Variants in ATF7 observed in about 807,000 individuals in gnomAD.
The protein encoded by ATF7 is cyclic AMP-dependent transcription factor ATF-7.
In ATF7, 10 loss-of-function variants were observed where a neutral mutation model predicts 50.4. The observed-to-expected ratio is 0.20, with a 90% CI of 0.12 to 0.34. The LOEUF (loss-of-function observed/expected upper bound fraction) is 0.34, where lower values mean the gene tolerates loss of function less well. Among genes scored for constraint, ATF7 ranks in the 10% least tolerant of loss-of-function variants. ATF7 has a pLI of 1.00. For missense variants in ATF7, 465 were observed against 613.9 expected, an observed-to-expected ratio of 0.76 and a Z score of 2.56; for synonymous variants, 201 against 226.4, an observed-to-expected ratio of 0.89 and a Z score of 1.01.
chr12:53,584,593 A>C (rs1259704967), intron 2 of ATF7, among the ~76,000 whole-genome samples: 1 of 152,242 alleles, frequency 6.6e-6, no homozygotes, highest in Non-Finnish European at 1.5e-5. Context: ...GGATATTTAT[A>C]TAGCAGCTTT....
At chr12:53,510,414 C>A (rs574050127), downstream of ATF7, among the ~76,000 whole-genome samples, 2 of 152,190 alleles carry the variant, frequency 1.3e-5, no homozygotes, top group Non-Finnish European at 2.9e-5. Context: ...TGCTGCATCC[C>A]AGAATGATCC....
At chr12:53,620,235 T>A (rs1328794956) in intron 1 of ATF7, among the ~76,000 whole-genome samples, 1 of 151,298 alleles carries the variant, frequency 6.6e-6, no homozygotes, top group Non-Finnish European at 1.5e-5. Flanking sequence ...GGTCAGGAGT[T>A]CAAGACCAGC....
At chr12:53,529,710 T>C (rs11170582) in intron 9 of ATF7, among the ~76,000 whole-genome samples, 4,158 of 131,906 alleles carry the variant, frequency 0.032, 224 homozygotes, top group African/African-American at 0.1. Context: ...TATATACACA[T>C]ACACACACAC....
intron 9 of ATF7, among the ~76,000 whole-genome samples, chr12:53,528,427 A>C (rs2137358988): frequency 6.6e-6 from 1 of 152,172 alleles, no homozygotes; most frequent in South Asian, 2.1e-4. Flanking sequence ...CAGGAGTTTG[A>C]GACCAGCCTG....
rs1456939753 is a variant in ATF7 at position 53,524,648 on chromosome 12, G to A, written c.1041C>T (p.Ser347=). Residue 347 remains serine, a synonymous_variant, in exon 10 of 12, where the codon TCC becomes TCT. Coordinates refer to ENST00000420353, the MANE Select transcript of ATF7 (RefSeq NM_006856.3). The surrounding 1 kb of genome is among the most constrained non-coding windows in gnomAD (Gnocchi z 4.6). ...ACAGCTTTCGCTTTTGGCGGCAGCG[G>A]GAGGCTGCAGCCCGGTTGCGCTCCA... ...RFLERNRAAA[S]RCRQKRKLWV... is the part of the protein sequence containing the mutation. 5.0e-6 allele frequency: 8 copies of A among 1,613,712 alleles called. No homozygotes were observed. The highest frequency in any genetic ancestry group is 1.6e-4 in the Middle Eastern group (1 of 6,084).
At chr12:53,527,302 T>C (rs1413312788) in intron 9 of ATF7, among the ~76,000 whole-genome samples, 2 of 149,340 alleles carry the variant, frequency 1.3e-5, no homozygotes, top group Middle Eastern at 3.4e-3. Context: ...CTGGGCAACA[T>C]AGTGAGATCC....
At chr12:53,530,391 A>G (rs1323516068) in intron 9 of ATF7, among the ~76,000 whole-genome samples, 8 of 152,126 alleles carry the variant, frequency 5.3e-5, no homozygotes, top group East Asian at 1.9e-4. Flanking sequence ...AGTGCAGATG[A>G]TATGAAAACT....
chr12:53,622,165 G>C (rs1944406591), intron 1 of ATF7, among the ~76,000 whole-genome samples: 1 of 151,950 alleles, frequency 6.6e-6, no homozygotes. Context: ...GCTAGGCATG[G>C]ATGGCGGGCA....
intron 2 of ATF7, among the ~76,000 whole-genome samples, chr12:53,582,726 C>T (rs1210256608): frequency 6.6e-6 from 1 of 152,064 alleles, no homozygotes; most frequent in Non-Finnish European, 1.5e-5. Flanking sequence ...CTACAAGTCC[C>T]CGCCACCACG....
At chr12:53,614,799 G>A (rs1375921987) in intron 1 of ATF7, among the ~76,000 whole-genome samples, 1 of 152,232 alleles carries the variant, frequency 6.6e-6, no homozygotes, top group Non-Finnish European at 1.5e-5. Flanking sequence ...AAATGGTGTT[G>A]GCTGGGCGTG....
intron 4 of ATF7, among the ~76,000 whole-genome samples, chr12:53,542,107 GTTTTTT>G (rs1199418506): frequency 2.0e-5 from 2 of 101,450 alleles, no homozygotes; most frequent in African/African-American, 3.7e-5. Context: ...CGCCTGGCCT[GTTTTTT>G]TTTTTTTTTT....
chr12:53,573,596 G>A (rs544487334), intron 2 of ATF7, among the ~76,000 whole-genome samples: 1 of 151,992 alleles, frequency 6.6e-6, no homozygotes, highest in Non-Finnish European at 1.5e-5. Flanking sequence ...TGGATACAGA[G>A]GGCTGACTGT....
chr12:53,570,347 AAG>A (rs1294313752), intron 2 of ATF7, among the ~76,000 whole-genome samples: 4 of 152,144 alleles, frequency 2.6e-5, no homozygotes, highest in Admixed American at 1.3e-4. Flanking sequence ...AGCCTAGGGG[AAG>A]AGAGGAGAGA....
chr12:53,621,788 C>CAAAA (rs559780353), intron 1 of ATF7, among the ~76,000 whole-genome samples: 6 of 81,528 alleles, frequency 7.4e-5, no homozygotes, highest in Non-Finnish European at 7.5e-5. Context: ...GACTCTGTCT[C>CAAAA]AAAAAAAAAA....
chr12:53,555,738 G>C (rs780912648), intron 2 of ATF7, among the ~76,000 whole-genome samples: 1 of 151,964 alleles, frequency 6.6e-6, no homozygotes, highest in African/African-American at 2.4e-5. Context: ...TCGAATTCCC[G>C]ACCTCAGGTG....
chr12:53,548,393 A>G (rs2137474984), intron 3 of ATF7, among the ~76,000 whole-genome samples: 1 of 152,232 alleles, frequency 6.6e-6, no homozygotes, highest in East Asian at 1.9e-4. Flanking sequence ...ATGCAGTGGC[A>G]TGATCATAGC....
chr12:53,594,289 G>A (rs1479715394), intron 2 of ATF7, among the ~76,000 whole-genome samples: 1 of 152,116 alleles, frequency 6.6e-6, no homozygotes, highest in African/African-American at 2.4e-5. Context: ...AACAGTTTCT[G>A]GGCTCCCGTT....
In ATF7 at chr12:53,524,561, C is replaced by A; in HGVS notation, c.1125+3G>T. 6.2e-7 allele frequency: 1 copy of A among 1,613,720 alleles called. No homozygotes were observed. The highest frequency in any genetic ancestry group is 2.2e-5 in the East Asian group (1 of 44,894). On this transcript the variant is annotated splice_donor_region_variant and intron_variant, in intron 10 of 11. Transcript: ENST00000420353. This position sits in a 1 kb window ranked among gnomAD's most constrained non-coding sequence, Gnocchi z 4.6. ...TTCCAATAAGCATCCAGGACCCACT[C>A]ACACTCAGCTGAATGTTCTGAGAAG... is the stretch of plus-strand genomic sequence containing the variant.
At chr12:53,541,403 A>T (rs1939543432) in intron 4 of ATF7, among the ~76,000 whole-genome samples, 1 of 152,212 alleles carries the variant, frequency 6.6e-6, no homozygotes, top group Non-Finnish European at 1.5e-5. Context: ...ACTTGATTTT[A>T]AAAATAGTGA....
Sources: allele counts gnomAD v4.1 joint callset (sites outside exome capture counted in the v4.1 genomes callset), GRCh38; gene constraint gnomAD v4.1.1; non-coding constraint Gnocchi (gnomAD v3.1); transcripts MANE v1.5; gene names NCBI Gene and HGNC (gene_info 2026-07-23, HGNC 2026-07-21).